The following FANCE variants were observed in gnomAD, a reference collection of about 807,000 sequenced individuals.
The protein encoded by FANCE is Fanconi anemia group E protein.
Under a neutral mutation model 57.8 loss-of-function variants are expected in FANCE, and 42 were observed. That is an observed-to-expected ratio of 0.73 (90% CI 0.57 to 0.94). The LOEUF is 0.94. Among genes scored for constraint, FANCE ranks in the 40% least tolerant of loss-of-function variants. The probability of loss-of-function intolerance (pLI) is 0.00; values close to 1 mark genes in which losing one functional copy is unlikely to be tolerated. For missense variants in FANCE, 608 were observed against 661.8 expected, an observed-to-expected ratio of 0.92 and a Z score of 0.89; for synonymous variants, 251 against 286.4, an observed-to-expected ratio of 0.88 and a Z score of 1.25.
At chr6:35,464,899 A>AT (rs1231947137) in intron 9 of FANCE, among the ~76,000 whole-genome samples, 2 of 146,254 alleles carry the variant, frequency 1.4e-5, no homozygotes, top group Admixed American at 6.8e-5. Context: ...CGCATGGCTA[A>AT]TTTTTTTTGT....
intron 1 of FANCE, 87 bp from the exon 2 acceptor site, chr6:35,455,660 C>T (rs926386706): frequency 1.3e-6 from 2 of 1,538,576 alleles, no homozygotes; most frequent in South Asian, 1.1e-5. Context: ...CATCTGTCCA[C>T]CGCCATCTAG....
Position 35,466,233 on chromosome 6 carries a change from C to G in FANCE, c.1510-11C>G. ...TGCTGGAGTCCTGACATGATTTTTCCTTCTCCCCAGATCACTGAGACCCAG... is the reference window on the plus strand; with the variant it reads ...TGCTGGAGTCCTGACATGATTTTTCGTTCTCCCCAGATCACTGAGACCCAG... On this transcript the variant is annotated splice_polypyrimidine_tract_variant and intron_variant, in intron 9 of 9. Coordinates refer to ENST00000229769, the MANE Select transcript of FANCE (RefSeq NM_021922.3). 6.3e-7 allele frequency: 1 copy of G among 1,579,732 alleles called. No homozygotes were observed.
chr6:35,454,499 G>A (rs12204518), intron 1 of FANCE, among the ~76,000 whole-genome samples: 31,908 of 152,026 alleles, frequency 0.21, 4,250 homozygotes, highest in East Asian at 0.31. Flanking sequence ...GCAAAATTAT[G>A]CATAGGGAGG....
At chr6:35,464,730 T>C (rs1767754232) in intron 9 of FANCE, among the ~76,000 whole-genome samples, 1 of 97,118 alleles carries the variant, frequency 1.0e-5, no homozygotes, top group Non-Finnish European at 1.8e-5. Flanking sequence ...GAGATATTCT[T>C]TTTTTTTTTT....
chr6:35,452,540 C>T lies in FANCE; in HGVS notation c.-6C>T. On this transcript the variant is annotated 5_prime_UTR_variant, in exon 1 of 10. Coordinates refer to ENST00000229769, the MANE Select transcript of FANCE (RefSeq NM_021922.3). ...GTAGGGGGCGGCGCGGCACCCGTGC[C>T]CCGGCATGGCGACACCGGACGCGGG... The T allele has an allele frequency of 7.6e-7, 1 of 1,309,768 alleles. No individual in the cohort carries two copies. The highest frequency in any genetic ancestry group is 9.7e-7 in the Non-Finnish European group (1 of 1,025,780). The allele number at this position is 1,309,768 out of a possible 1,614,324, so 81.1% of individuals were successfully genotyped here. A position where few individuals can be genotyped will look rare whatever the true frequency, so the allele number is the denominator to read the frequency against.
At chr6:35,458,165 C>T in intron 4 of FANCE, 132 bp from the exon 5 acceptor site, 3 of 1,357,992 alleles carry the variant, frequency 2.2e-6, no homozygotes, top group Non-Finnish European at 3.1e-6. Flanking sequence ...TCCCCTAGGG[C>T]AGCTCTCCCA....
At position 35,459,352 on chromosome 6, in the gene FANCE, G is replaced by A. The variant is rs2150896290; in HGVS notation, c.1135G>A (p.Ala379Thr). The stretch of plus-strand genomic sequence containing the variant: ...GTAGATCCTCTCCTTGACTTCCTCA[G>A]CCTCCCGCCTGCTTACAACTGCCCT... ...LGRILSLTSS[A>T]SRLLTTALTS... The change falls in exon 6 of 10, where the codon GCC becomes ACC. Residue 379 changes from alanine (A) to threonine (T), a missense_variant. Transcript: ENST00000229769. 2 of 1,613,782 alleles carry A rather than the reference G, an allele frequency of 1.2e-6. No homozygotes were observed. Among genetic ancestry groups the A allele is most frequent in the Non-Finnish European group, 1.7e-6 (2 of 1,179,968 alleles).
chr6:35,459,902 C>A (rs532606079), intron 7 of FANCE, 142 bp downstream of exon 7: 1 of 715,106 alleles, frequency 1.4e-6, no homozygotes, highest in African/African-American at 1.7e-5. Context: ...TCCTCTTTCT[C>A]CTTTATGAGT....
At chr6:35,458,948 T>G (rs1767473163) in intron 5 of FANCE, among the ~76,000 whole-genome samples, 1 of 152,084 alleles carries the variant, frequency 6.6e-6, no homozygotes, top group Non-Finnish European at 1.5e-5. Context: ...ACCTGGCTAA[T>G]TTTTGTATTT....
chr6:35,452,409 A>C lies in FANCE; in HGVS notation c.-137A>C. 2 of 950,218 alleles carry C rather than the reference A, an allele frequency of 2.1e-6. No individual in the cohort carries two copies. The highest frequency in any genetic ancestry group is 2.7e-6 in the Non-Finnish European group (2 of 741,028). The allele number at this position is 950,218 out of a possible 1,614,324, so 58.9% of individuals were successfully genotyped here. On this transcript the variant is annotated 5_prime_UTR_variant, in exon 1 of 10. Coordinates refer to ENST00000229769, the MANE Select transcript of FANCE (RefSeq NM_021922.3). ...GGGTTTCTCCGGTCTCCCAACGCCG[A>C]GGAGAGCTTGTAACAGGCGCTGGAG...
intron 4 of FANCE, 87 bp downstream of exon 4, chr6:35,458,071 T>C (rs1235054894): frequency 3.7e-6 from 5 of 1,343,298 alleles, no homozygotes; most frequent in Non-Finnish European, 5.3e-6. Context: ...CTACCTCATG[T>C]GGGAAATGTG....
Position 35,466,334 on chromosome 6 carries a change from T to C in FANCE, c.1600T>C (p.Leu534=), listed in dbSNP as rs973844386. 10 of 1,612,206 alleles carry C rather than the reference T, an allele frequency of 6.2e-6. No individual in the cohort carries two copies. The highest frequency in any genetic ancestry group is 8.5e-6 in the Non-Finnish European group (10 of 1,178,362). ...GTCCCTGAAGGCCGCCTTGAAACATTTGGGCCCCTGACCATCCACCAAGGG... is the reference window on the plus strand; with the variant it reads ...GTCCCTGAAGGCCGCCTTGAAACATCTGGGCCCCTGACCATCCACCAAGGG... ...RKSLKAALKH[L]GP is the part of the protein sequence containing the mutation. The change falls in exon 10 of 10, where the codon TTG becomes CTG. Residue 534 remains leucine (L), a synonymous_variant. Coordinates refer to ENST00000229769, the MANE Select transcript of FANCE (RefSeq NM_021922.3).
intron 8 of FANCE, among the ~76,000 whole-genome samples, chr6:35,461,084 A>G (rs751363311): frequency 4.0e-5 from 6 of 151,882 alleles, no homozygotes; most frequent in Non-Finnish European, 7.4e-5. Flanking sequence ...ACGCTGGCTA[A>G]TTTTTGTATT....
chr6:35,459,440 A>G lies in FANCE; in HGVS notation c.1223A>G (p.Gln408Arg), dbSNP rs1371334989. 6.2e-7 allele frequency: 1 copy of G among 1,614,026 alleles called. No individual in the cohort carries two copies. Among genetic ancestry groups the G allele is most frequent in the Non-Finnish European group, 8.5e-7 (1 of 1,180,004 alleles). ...VCSALLDPVL[Q>R]APGTGPAQTE... Reference sequence around the variant, plus strand: ...AGCGCCCTCCTTGACCCTGTGCTCCAGGCCCCAGGCACAGGTAATTCTGGA... The same window carrying G: ...AGCGCCCTCCTTGACCCTGTGCTCCGGGCCCCAGGCACAGGTAATTCTGGA... The change falls in exon 6 of 10, where the codon CAG (glutamine) becomes CGG (arginine). Residue 408 changes from glutamine to arginine, a missense_variant. By Grantham distance (43) the Gln-to-Arg change is conservative. Transcript: ENST00000229769.
In FANCE at chr6:35,456,113, G is replaced by A. The variant is rs2150891185; in HGVS notation, c.615G>A (p.Glu205=). Residue 205 remains glutamate, a synonymous_variant, in exon 2 of 10, where the codon GAG becomes GAA. Transcript: ENST00000229769. This position sits in a 1 kb window ranked among gnomAD's most constrained non-coding sequence, Gnocchi z 4.3. ...CTGGGAAACGCAGAAAGGACTCAGA[G>A]GAAGAGGCTGCCAGTCCTGAGGGGA... ...QQPGKRRKDS[E]EEAASPEGKR... The A allele has an allele frequency of 6.2e-7, 1 of 1,614,104 alleles. No homozygotes were observed. The highest frequency in any genetic ancestry group is 8.5e-7 in the Non-Finnish European group (1 of 1,180,018).
chr6:35,466,053 A>G (rs899881411), intron 9 of FANCE, among the ~76,000 whole-genome samples, 191 bp from the exon 10 acceptor site: 2 of 152,208 alleles, frequency 1.3e-5, no homozygotes, highest in African/African-American at 4.8e-5. Flanking sequence ...GGCTTAGTAA[A>G]TTGTGCAGCT....
At chr6:35,459,183 C>A in intron 5 of FANCE, 148 bp from the exon 6 acceptor site, 1 of 963,968 alleles carries the variant, frequency 1.0e-6, no homozygotes, top group South Asian at 1.5e-5. Context: ...GTATCTTTTC[C>A]AATGGGTGGG....
chr6:35,454,894 A>G (rs1767263276), intron 1 of FANCE, among the ~76,000 whole-genome samples: 1 of 152,254 alleles, frequency 6.6e-6, no homozygotes, highest in South Asian at 2.1e-4. Flanking sequence ...CATTCAATAA[A>G]TGCGCAACAA....
chr6:35,453,618 A>AGAGGG (rs1767202346), intron 1 of FANCE, among the ~76,000 whole-genome samples: 1 of 152,192 alleles, frequency 6.6e-6, no homozygotes, highest in Non-Finnish European at 1.5e-5. Context: ...CTCCCCCATA[A>AGAGGG]TTTATGCTGG....
Sources: allele counts gnomAD v4.1 joint callset (sites outside exome capture counted in the v4.1 genomes callset), GRCh38; gene constraint gnomAD v4.1.1; non-coding constraint Gnocchi (gnomAD v3.1); transcripts MANE v1.5; gene names NCBI Gene and HGNC (gene_info 2026-07-23, HGNC 2026-07-21).